BABAM2: variants seen among roughly 807,000 people sequenced by gnomAD.
BABAM2 encodes BRISC and BRCA1-A complex member 2.
In BABAM2, 31 loss-of-function variants were observed where a neutral mutation model predicts 54.7. The observed-to-expected ratio is 0.57, with a 90% CI of 0.43 to 0.77. The LOEUF (loss-of-function observed/expected upper bound fraction) is 0.77. BABAM2 is among the 30% of genes least tolerant of loss of function. The probability of loss-of-function intolerance (pLI) is 0.00; values close to 1 mark genes in which losing one functional copy is unlikely to be tolerated. For missense variants in BABAM2, 364 were observed against 455.8 expected, an observed-to-expected ratio of 0.80 and a Z score of 1.83; for synonymous variants, 167 against 162.9, an observed-to-expected ratio of 1.03 and a Z score of -0.19.
chr2:27,940,690 C>T (rs1158951190), intron 3 of BABAM2, among the ~76,000 whole-genome samples: 2 of 152,000 alleles, frequency 1.3e-5, no homozygotes, highest in African/African-American at 4.8e-5. Flanking sequence ...TAATCAGGGG[C>T]TGTTTTATTA....
At chr2:28,263,737 G>A (rs774224633) in intron 10 of BABAM2, among the ~76,000 whole-genome samples, 1 of 152,234 alleles carries the variant, frequency 6.6e-6, no homozygotes, top group Non-Finnish European at 1.5e-5. Context: ...CTCAGAGCAC[G>A]TGGTGGGTAG....
intron 7 of BABAM2, among the ~76,000 whole-genome samples, chr2:28,226,808 T>C (rs1680930816): frequency 6.6e-6 from 1 of 151,170 alleles, no homozygotes; most frequent in African/African-American, 2.4e-5. Flanking sequence ...AGGGAGGTTT[T>C]AGCCCCAGTG....
chr2:27,975,184 A>G (rs1395941100), intron 3 of BABAM2, among the ~76,000 whole-genome samples: 1 of 152,106 alleles, frequency 6.6e-6, no homozygotes, highest in African/African-American at 2.4e-5. Flanking sequence ...TCCCTAAATT[A>G]ATGTACACTA....
At chr2:28,320,804 G>C (rs1031753084) in intron 11 of BABAM2, among the ~76,000 whole-genome samples, 1 of 152,208 alleles carries the variant, frequency 6.6e-6, no homozygotes, top group African/African-American at 2.4e-5. Context: ...GTCCCGCTCT[G>C]CCTTTATCAT....
At chr2:28,159,876 C>T (rs922897644) in intron 7 of BABAM2, among the ~76,000 whole-genome samples, 16 of 149,432 alleles carry the variant, frequency 1.1e-4, no homozygotes, top group South Asian at 4.2e-4. Flanking sequence ...ACTCCATCCC[C>T]GCCGGGAAAA....
intron 6 of BABAM2, among the ~76,000 whole-genome samples, chr2:28,099,956 G>C (rs191603514): frequency 6.6e-6 from 1 of 151,734 alleles, no homozygotes; most frequent in Non-Finnish European, 1.5e-5. Flanking sequence ...AATTTCTAAC[G>C]TATAGTCTTG....
chr2:28,208,789 T>G (rs1679153162), intron 7 of BABAM2, among the ~76,000 whole-genome samples: 1 of 152,210 alleles, frequency 6.6e-6, no homozygotes, highest in Non-Finnish European at 1.5e-5. Flanking sequence ...TCACAAATCT[T>G]CCTAGGTGAG....
chr2:28,112,151 C>CTTTCTTTCTTTCT (rs1261759583), intron 6 of BABAM2, among the ~76,000 whole-genome samples: 3 of 19,606 alleles, frequency 1.5e-4, no homozygotes, highest in South Asian at 5.0e-3. Flanking sequence ...CTTTCTTTAC[C>CTTTCTTTCTTTCT]TCCCTCCCTC....
intron 7 of BABAM2, among the ~76,000 whole-genome samples, chr2:28,131,567 A>G (rs1319937260): frequency 6.6e-6 from 1 of 152,152 alleles, no homozygotes; most frequent in Non-Finnish European, 1.5e-5. Flanking sequence ...GTCATAAAAT[A>G]GACATAATAA....
chr2:28,157,026 T>C (rs1441049114), intron 7 of BABAM2, among the ~76,000 whole-genome samples: 1 of 152,228 alleles, frequency 6.6e-6, no homozygotes, highest in Non-Finnish European at 1.5e-5. Context: ...TTTAGACTTC[T>C]GTGAGAATGA....
chr2:28,050,376 T>A (rs1294282585), intron 6 of BABAM2, among the ~76,000 whole-genome samples: 1 of 152,194 alleles, frequency 6.6e-6, no homozygotes, highest in African/African-American at 2.4e-5. Flanking sequence ...TTCTTCACTT[T>A]CCTTGATTTA....
intron 10 of BABAM2, among the ~76,000 whole-genome samples, chr2:28,297,826 T>G (rs1433743402): frequency 6.6e-6 from 1 of 152,124 alleles, no homozygotes; most frequent in African/African-American, 2.4e-5. Context: ...GATTATCACC[T>G]GCACTCTTAC....
intron 6 of BABAM2, among the ~76,000 whole-genome samples, chr2:28,088,382 G>T (rs1172296904): frequency 1.3e-5 from 2 of 152,152 alleles, no homozygotes; most frequent in Non-Finnish European, 2.9e-5. Flanking sequence ...GGTGGTGACT[G>T]CCATAGTTCT....
intron 6 of BABAM2, among the ~76,000 whole-genome samples, chr2:28,055,948 G>A (rs1343959169): frequency 6.6e-6 from 1 of 152,186 alleles, no homozygotes. Context: ...CACAACATGG[G>A]TGAGCCTGGA....
At chr2:28,094,702 C>T (rs889571672) in intron 6 of BABAM2, among the ~76,000 whole-genome samples, 4 of 152,020 alleles carry the variant, frequency 2.6e-5, no homozygotes, top group Non-Finnish European at 5.9e-5. Context: ...ACTCCATTCC[C>T]TTTCCGGTTC....
chr2:28,306,518 A>G (rs998673590), intron 11 of BABAM2, among the ~76,000 whole-genome samples: 5 of 152,092 alleles, frequency 3.3e-5, no homozygotes, highest in African/African-American at 1.2e-4. Context: ...TCCATTTGAT[A>G]TTAAAATTGT....
intron 3 of BABAM2, among the ~76,000 whole-genome samples, chr2:27,937,482 C>T (rs1205474343): frequency 1.3e-5 from 2 of 152,126 alleles, no homozygotes; most frequent in African/African-American, 4.8e-5. Flanking sequence ...GTGGAACCCA[C>T]GGATAGAGAG....
intron 6 of BABAM2, among the ~76,000 whole-genome samples, chr2:28,050,289 G>A (rs931544318): frequency 2.0e-5 from 3 of 152,180 alleles, no homozygotes; most frequent in Non-Finnish European, 4.4e-5. Flanking sequence ...CTATGTCGTA[G>A]CCATGGCCTG....
At chr2:28,151,685 A>C (rs1041509092) in intron 7 of BABAM2, among the ~76,000 whole-genome samples, 1 of 152,258 alleles carries the variant, frequency 6.6e-6, no homozygotes, top group Non-Finnish European at 1.5e-5. Context: ...TAATACAAGC[A>C]TGAGAATAAC....
Sources: gnomAD v4.1 joint callset for allele counts (sites outside exome capture counted in the v4.1 genomes callset) on GRCh38, gnomAD v4.1.1 for gene constraint, MANE v1.5 for transcripts, NCBI Gene and HGNC (gene_info 2026-07-23, HGNC 2026-07-21) for gene names.